The following RBFOX1 variants were observed in gnomAD, a reference collection of about 807,000 sequenced individuals.
RBFOX1 encodes RNA binding protein fox-1 homolog 1.
In RBFOX1, 8 loss-of-function variants were observed where a neutral mutation model predicts 57.7. That is an observed-to-expected ratio of 0.14 (90% confidence interval 0.08 to 0.25). The LOEUF (loss-of-function observed/expected upper bound fraction) is 0.25, where lower values mean the gene tolerates loss of function less well. Ranked by LOEUF, RBFOX1 falls within the 10% of genes least tolerant of loss-of-function variation. RBFOX1 has a pLI of 1.00. For missense variants in RBFOX1, 611 were observed against 548.5 expected, an observed-to-expected ratio of 1.11 and a Z score of -1.14; for synonymous variants, 326 against 222.4, an observed-to-expected ratio of 1.47 and a Z score of -4.15.
chr16:5,467,487 A>AT (rs2068990127), intron 2 of RBFOX1, among the ~76,000 whole-genome samples: 1 of 152,124 alleles, frequency 6.6e-6, no homozygotes, highest in African/African-American at 2.4e-5. Flanking sequence ...AAATGAAGTC[A>AT]TTTTTGCCAG....
intron 2 of RBFOX1, among the ~76,000 whole-genome samples, chr16:5,552,996 G>GC (rs2045523414): frequency 6.6e-6 from 1 of 152,102 alleles, no homozygotes; most frequent in African/African-American, 2.4e-5. Context: ...CATGGATGAA[G>GC]CTGGAAACCA....
intron 1 of RBFOX1, among the ~76,000 whole-genome samples, chr16:5,376,264 C>A (rs762512337): frequency 1.3e-5 from 2 of 152,140 alleles, no homozygotes; most frequent in African/African-American, 2.4e-5. Flanking sequence ...ATTCTGAGAG[C>A]ATGCGCGGAA....
chr16:5,479,392 C>T (rs1037726420), intron 2 of RBFOX1, among the ~76,000 whole-genome samples: 3 of 152,196 alleles, frequency 2.0e-5, no homozygotes, highest in Non-Finnish European at 4.4e-5. Context: ...TTTGAACCCT[C>T]TCTGATTCCA....
intron 4 of RBFOX1, among the ~76,000 whole-genome samples, chr16:5,936,816 G>A (rs959739057): frequency 6.6e-6 from 1 of 152,142 alleles, no homozygotes; most frequent in Admixed American, 6.5e-5. Context: ...GCCAAGACAA[G>A]AGCGGCAAAG....
At chr16:5,249,551 C>CT (rs2062392836) in intron 1 of RBFOX1, among the ~76,000 whole-genome samples, 1 of 152,252 alleles carries the variant, frequency 6.6e-6, no homozygotes, top group South Asian at 2.1e-4. Context: ...TGCCTTCTGC[C>CT]TTTCCTGCCT....
intron 4 of RBFOX1, among the ~76,000 whole-genome samples, chr16:7,176,688 T>C (rs1027118587): frequency 1.3e-5 from 2 of 152,180 alleles, no homozygotes; most frequent in Non-Finnish European, 2.9e-5. Flanking sequence ...CCGATCCTTG[T>C]TCTAGGTATT....
At position 6,744,758 on chromosome 16, in the gene RBFOX1, C is replaced by T. The variant is rs546506420; in HGVS notation, c.-16+90108C>T. On this transcript the variant is annotated intron_variant, in intron 3 of 15. Coordinates refer to ENST00000550418, the MANE Select transcript of RBFOX1 (RefSeq NM_018723.4). ...AGGATAGTGAAAAATGGTCTTAAAT[C>T]ACTTACTTTATCTTCTGCCTTAGAA... Among the ~76,000 whole-genome samples the T allele has an allele frequency of 3.9e-5, 6 of 151,980 alleles. No homozygotes were observed. In the South Asian group the frequency reaches 1.2e-3, roughly 32 times the overall value.
chr16:6,136,369 C>T (rs115816811), intron 1 of RBFOX1, among the ~76,000 whole-genome samples: 2 of 152,158 alleles, frequency 1.3e-5, no homozygotes, highest in Non-Finnish European at 2.9e-5. Context: ...ATTCCAGATA[C>T]GTGTGAGCCA....
intron 4 of RBFOX1, among the ~76,000 whole-genome samples, chr16:5,973,740 C>A (rs1309309785): frequency 6.6e-6 from 1 of 152,142 alleles, no homozygotes; most frequent in African/African-American, 2.4e-5. Context: ...TTTATTCATT[C>A]TTTGTTCATT....
intron 4 of RBFOX1, among the ~76,000 whole-genome samples, chr16:5,887,309 A>G (rs2057922508): frequency 6.6e-6 from 1 of 152,206 alleles, no homozygotes; most frequent in Non-Finnish European, 1.5e-5. Flanking sequence ...TGTAACAACT[A>G]GAAATGATGC....
chr16:5,950,415 T>C (rs2059495894), intron 4 of RBFOX1, among the ~76,000 whole-genome samples: 2 of 152,220 alleles, frequency 1.3e-5, no homozygotes, highest in African/African-American at 2.4e-5. Flanking sequence ...AATTGTCACA[T>C]TGGCAGTTCC....
intron 4 of RBFOX1, among the ~76,000 whole-genome samples, chr16:7,439,566 A>G (rs1245817213): frequency 2.0e-5 from 3 of 152,222 alleles, no homozygotes; most frequent in Non-Finnish European, 2.9e-5. Context: ...AAGAAAGGCA[A>G]CGAGGAGAGC....
chr16:7,251,336 T>C (rs191950296), intron 4 of RBFOX1, among the ~76,000 whole-genome samples: 73 of 152,144 alleles, frequency 4.8e-4, no homozygotes, highest in Admixed American at 1.5e-3. Flanking sequence ...AGTGTTGCAG[T>C]TGACAAGAAT....
intron 4 of RBFOX1, among the ~76,000 whole-genome samples, chr16:7,501,808 C>T (rs1051547665): frequency 6.6e-6 from 1 of 152,150 alleles, no homozygotes; most frequent in East Asian, 1.9e-4. Context: ...TTAAATTTAT[C>T]TTCTCTGGGC....
At chr16:7,455,628 C>T (rs765820989) in intron 4 of RBFOX1, among the ~76,000 whole-genome samples, 24 of 150,368 alleles carry the variant, frequency 1.6e-4, no homozygotes, top group African/African-American at 5.7e-4. Flanking sequence ...CCCATCTCTA[C>T]TGAAATACAA....
At chr16:7,207,548 T>G (rs928849020) in intron 4 of RBFOX1, among the ~76,000 whole-genome samples, 2 of 152,086 alleles carry the variant, frequency 1.3e-5, no homozygotes, top group African/African-American at 4.8e-5. Context: ...AATGAAGACG[T>G]GATTGGATTA....
rs150760334 is a variant in RBFOX1, at chr16:7,682,274, G to C, written c.995+5436G>C. ...ATTTGCAGTCTCTGAGAAATCTGTT[G>C]GAAAAATATAGTGAGAGCATTGTAA... On this transcript the variant is annotated intron_variant, in intron 14 of 15. Coordinates refer to ENST00000550418, the MANE Select transcript of RBFOX1 (RefSeq NM_018723.4). Among the ~76,000 whole-genome samples, 399 of 152,136 alleles carry C rather than the reference G, an allele frequency of 2.6e-3. 2 individuals carry two copies. Among genetic ancestry groups the C allele is most frequent in the African/African-American group, 9.3e-3 (386 of 41,532 alleles).
chr16:7,518,831 T>A (rs1446429598), intron 5 of RBFOX1, among the ~76,000 whole-genome samples: 1 of 152,080 alleles, frequency 6.6e-6, no homozygotes, highest in Non-Finnish European at 1.5e-5. Flanking sequence ...GAGAATAGCC[T>A]GGGCAACAAA....
intron 2 of RBFOX1, among the ~76,000 whole-genome samples, chr16:6,364,552 T>G (rs557546109): frequency 6.6e-6 from 1 of 152,340 alleles, no homozygotes; most frequent in South Asian, 2.1e-4. Context: ...GCGGTGCATG[T>G]GAACACATGT....
Sources: gnomAD v4.1 joint callset for allele counts (sites outside exome capture counted in the v4.1 genomes callset) on GRCh38, gnomAD v4.1.1 for gene constraint, MANE v1.5 for transcripts, NCBI Gene and HGNC (gene_info 2026-07-23, HGNC 2026-07-21) for gene names.